Variants in COLQ observed in about 807,000 individuals in gnomAD.
COLQ encodes the protein acetylcholinesterase collagenic tail peptide.
COLQ carries 48 observed loss-of-function variants against 69.0 expected under a neutral mutation model. The observed-to-expected ratio is 0.70, with a 90% confidence interval of 0.55 to 0.88. The LOEUF (loss-of-function observed/expected upper bound fraction) is 0.88. Among genes scored for constraint, COLQ ranks in the 40% least tolerant of loss-of-function variants. The probability of loss-of-function intolerance (pLI) is 0.00; values close to 1 mark genes in which losing one functional copy is unlikely to be tolerated. For missense variants in COLQ, 618 were observed against 594.6 expected (o/e 1.04, Z -0.41); for synonymous variants, 217 against 211.2 (o/e 1.03, Z -0.24).
chr3:15,474,367 C>T lies in COLQ; in HGVS notation c.556-95G>A, dbSNP rs553730613. 51 of 1,291,286 alleles carry T rather than the reference C, an allele frequency of 3.9e-5. No homozygotes were observed. In the South Asian group the frequency reaches 5.9e-4, roughly 15 times the overall value. 80.0% of individuals were successfully genotyped at this position (1,291,286 alleles called of 1,614,324 possible). A position where few individuals can be genotyped will look rare whatever the true frequency, so the allele number is the denominator to read the frequency against. Reference sequence around the variant, plus strand: ...GAAAAGCTCCCTAAACCAAAACCCTCATTTTACAAGTGAAGAAATAGGCTC... The same window carrying T: ...GAAAAGCTCCCTAAACCAAAACCCTTATTTTACAAGTGAAGAAATAGGCTC... On this transcript the variant is annotated intron_variant, in intron 8 of 16. Transcript: ENST00000383788.
chr3:15,485,742 G>C (rs183289387), intron 3 of COLQ, among the ~76,000 whole-genome samples: 9 of 152,304 alleles, frequency 5.9e-5, no homozygotes, highest in African/African-American at 2.2e-4. Context: ...AGTATTGCTT[G>C]AGCCCAGGAG....
intron 3 of COLQ, among the ~76,000 whole-genome samples, chr3:15,487,441 G>A (rs1333507785): frequency 1.3e-5 from 2 of 152,186 alleles, no homozygotes; most frequent in African/African-American, 4.8e-5. Flanking sequence ...CCCCTCTTGT[G>A]GGGCTTTGTA....
intron 3 of COLQ, among the ~76,000 whole-genome samples, chr3:15,482,282 T>C (rs969695779): frequency 2.6e-5 from 4 of 152,232 alleles, no homozygotes; most frequent in Non-Finnish European, 4.4e-5. Context: ...ATCCCTGTCT[T>C]GTGCCAGTTT....
intron 7 of COLQ, 32 bp downstream of exon 7, chr3:15,475,393 T>C: frequency 3.2e-6 from 5 of 1,568,756 alleles, no homozygotes; most frequent in Non-Finnish European, 4.3e-6. Context: ...CTGACAGAGA[T>C]CTGGGAACGT....
At chr3:15,481,644 G>C (rs982506667) in intron 3 of COLQ, among the ~76,000 whole-genome samples, 1 of 152,196 alleles carries the variant, frequency 6.6e-6, no homozygotes, top group Non-Finnish European at 1.5e-5. Context: ...AAGTCAGGTA[G>C]TGTGATGCCT....
chr3:15,453,727 C>T (rs552643954), intron 16 of COLQ, 102 bp downstream of exon 16: 1 of 797,570 alleles, frequency 1.3e-6, no homozygotes, highest in Non-Finnish European at 2.1e-6. Flanking sequence ...GAAGGCACCA[C>T]AAAGTGGAGA....
chr3:15,483,304 T>C (rs2062522709), intron 3 of COLQ, among the ~76,000 whole-genome samples: 1 of 152,184 alleles, frequency 6.6e-6, no homozygotes, highest in African/African-American at 2.4e-5. Flanking sequence ...ATTGTGATGT[T>C]AGGGTGTCTA....
chr3:15,479,030 G>A (rs774250492), intron 4 of COLQ, 27 bp from the exon 5 acceptor site: 1 of 1,614,194 alleles, frequency 6.2e-7, no homozygotes, highest in East Asian at 2.2e-5. Flanking sequence ...CAGGTAAGGA[G>A]AGGCTGCTTT....
rs575755571 is a variant in COLQ, at chr3:15,515,178, T to G, written c.106+6342A>C. Reference sequence around the variant, plus strand: ...ATGTGGGTGGGATATTTTTGTCTGCTTGCTCACTGCTGCATATCCCCAGGC... The same window carrying G: ...ATGTGGGTGGGATATTTTTGTCTGCGTGCTCACTGCTGCATATCCCCAGGC... On this transcript the variant is annotated intron_variant, in intron 1 of 16. Transcript: ENST00000383788. Among the ~76,000 whole-genome samples the G allele has an allele frequency of 7.2e-4, 109 of 152,320 alleles. 1 individual carries two copies. Among genetic ancestry groups the G allele is most frequent in the African/African-American group, 2.5e-3 (103 of 41,568 alleles).
At chr3:15,498,951 T>C in intron 1 of COLQ, 1 of 1,183,550 alleles carries the variant, frequency 8.4e-7, no homozygotes, top group Non-Finnish European at 1.1e-6. Flanking sequence ...TGCTTTTCAT[T>C]TGGCTCAAAA....
chr3:15,516,916 C>A (rs1398156308), intron 1 of COLQ, among the ~76,000 whole-genome samples: 1 of 152,128 alleles, frequency 6.6e-6, no homozygotes, highest in Non-Finnish European at 1.5e-5. Flanking sequence ...TCAAGGCCAG[C>A]GGATCACTTG....
intron 1 of COLQ, among the ~76,000 whole-genome samples, chr3:15,507,962 T>A (rs1182519237): frequency 1.3e-5 from 2 of 152,162 alleles, no homozygotes; most frequent in Non-Finnish European, 2.9e-5. Context: ...TTTGAGTTGG[T>A]TTTTGCCACA....
At chr3:15,460,461 C>G (rs779120663) in intron 12 of COLQ, among the ~76,000 whole-genome samples, 1 of 152,156 alleles carries the variant, frequency 6.6e-6, no homozygotes, top group African/African-American at 2.4e-5. Flanking sequence ...TGGAGGCCAG[C>G]CAGTCATTGG....
chr3:15,466,443 A>G lies in COLQ; in HGVS notation c.718-6T>C, dbSNP rs1246515863. ...CCACTATCCCCTTTCTGTCCCTGAC[A>G]GAGAGAAAGGCAGAGCCTGTTATGA... On this transcript the variant is annotated splice_region_variant and splice_polypyrimidine_tract_variant and intron_variant, in intron 11 of 16. Coordinates refer to ENST00000383788, the MANE Select transcript of COLQ (RefSeq NM_005677.4). 1 of 1,611,846 alleles carries G rather than the reference A, an allele frequency of 6.2e-7. No individual in the cohort carries two copies. Among genetic ancestry groups the G allele is most frequent in the African/African-American group, 1.3e-5 (1 of 75,010 alleles).
chr3:15,472,935 C>T (rs1449748412), intron 10 of COLQ, among the ~76,000 whole-genome samples: 1 of 151,940 alleles, frequency 6.6e-6, no homozygotes, highest in Non-Finnish European at 1.5e-5. Flanking sequence ...TCTCGGCTCA[C>T]TGCAGCCTCA....
In COLQ at chr3:15,504,841, T is replaced by C. The variant is rs144977870; in HGVS notation, c.107-15204A>G. ...CACCACTGCACTCCAGCCTGGGCAA[T>C]AGAGCGAGACTCCGTCTCAAAAAAC... On this transcript the variant is annotated intron_variant, in intron 1 of 16. Coordinates refer to ENST00000383788, the MANE Select transcript of COLQ (RefSeq NM_005677.4). Among the ~76,000 whole-genome samples the C allele has an allele frequency of 8.6e-3, 1,312 of 152,078 alleles. 19 individuals are homozygous for C. The highest frequency in any genetic ancestry group is 0.028 in the African/African-American group (1,145 of 41,484).
chr3:15,498,982 C>T (rs946705445), intron 1 of COLQ: 40 of 1,168,506 alleles, frequency 3.4e-5, no homozygotes, highest in Non-Finnish European at 4.1e-5. Context: ...CTCAAAATAC[C>T]ACAGCAGTAT....
intron 1 of COLQ, among the ~76,000 whole-genome samples, chr3:15,513,879 G>T (rs2063020491): frequency 6.6e-6 from 1 of 152,216 alleles, no homozygotes; most frequent in Non-Finnish European, 1.5e-5. Context: ...GGACATTGTA[G>T]ATATGATTAA....
rs1345510084 is a variant in COLQ, at chr3:15,451,471, C to T, written c.*173G>A. On this transcript the variant is annotated 3_prime_UTR_variant, in exon 17 of 17. Transcript: ENST00000383788. The stretch of plus-strand genomic sequence containing the variant: ...TTGGATTAAGACAGGATGCAGTGGT[C>T]CTAAATTCTTCCAGTCAGACTGAGT... 1.3e-6 allele frequency: 1 copy of T among 745,982 alleles called. No homozygotes were observed. Among genetic ancestry groups the T allele is most frequent in the Non-Finnish European group, 2.5e-6 (1 of 404,530 alleles). 46.2% of individuals were successfully genotyped at this position (745,982 alleles called of 1,614,324 possible).
Sources: gnomAD v4.1 joint callset for allele counts (sites outside exome capture counted in the v4.1 genomes callset) on GRCh38, gnomAD v4.1.1 for gene constraint, MANE v1.5 for transcripts, NCBI Gene and HGNC (gene_info 2026-07-23, HGNC 2026-07-21) for gene names.